Variants in PTBP3 observed in about 807,000 individuals in gnomAD.
PTBP3 encodes polypyrimidine tract-binding protein 3.
In PTBP3, 20 loss-of-function variants were observed where a neutral mutation model predicts 58.7. The observed-to-expected ratio is 0.34, with a 90% CI of 0.24 to 0.50. The LOEUF (loss-of-function observed/expected upper bound fraction) is 0.50. Ranked by LOEUF, PTBP3 falls within the 20% of genes least tolerant of loss-of-function variation. The pLI is 0.98. For synonymous variants in PTBP3, 185 were observed against 219.8 expected, an observed-to-expected ratio of 0.84 and a Z score of 1.40; for missense variants, 509 against 637.2, an observed-to-expected ratio of 0.80 and a Z score of 2.17.
At chr9:112,247,436 G>T (rs969651651) in intron 7 of PTBP3, among the ~76,000 whole-genome samples, 1 of 151,406 alleles carries the variant, frequency 6.6e-6, no homozygotes, top group Non-Finnish European at 1.5e-5. Context: ...TGTCATAAAA[G>T]ACATTATTTT....
intron 7 of PTBP3, among the ~76,000 whole-genome samples, chr9:112,235,743 TC>T (rs2132000892): frequency 6.6e-6 from 1 of 151,992 alleles, no homozygotes; most frequent in East Asian, 1.9e-4. Context: ...AAATGAGAGC[TC>T]CACTTAAAAA....
At chr9:112,335,645 GGGCATGGT>G (rs1830571679), upstream of PTBP3, among the ~76,000 whole-genome samples, 1 of 134,628 alleles carries the variant, frequency 7.4e-6, no homozygotes, top group African/African-American at 2.7e-5. Context: ...GATTATAGCT[GGGCATGGT>G]GGCTCACACC....
rs149553072 is a variant in PTBP3, at chr9:112,322,134, CAAAAAAAAAAAAAAAAAAA to C, written c.-52+11317_-52+11335del. On this transcript the variant is annotated intron_variant, in intron 1 of 13. Transcript: ENST00000374257. ...TAGGAGACAGAGCGAGACTCCATCT[CAAAAAAAAAAAAAAAAAAA>C]AAAGAAAGGCCCTTTCCAGTCTCTA... Among the ~76,000 whole-genome samples the C allele has an allele frequency of 4.4e-5, 3 of 68,360 alleles. No homozygotes were observed. In the Admixed American group the frequency reaches 6.1e-4, roughly 14 times the overall value. The allele number at this position is 68,360 out of a possible 152,430, so 44.8% of individuals were successfully genotyped here. A position where few individuals can be genotyped will look rare whatever the true frequency, so the allele number is the denominator to read the frequency against.
the PTBP3 span, among the ~76,000 whole-genome samples, chr9:112,371,289 C>T: frequency 7.9e-3 from 1,202 of 152,308 alleles, 18 homozygotes; most frequent in African/African-American, 0.028. Context: ...CAACTACTTA[C>T]TGTCCAGATT....
chr9:112,362,989 T>C, the PTBP3 span: 2 of 244,796 alleles, frequency 8.2e-6, no homozygotes, highest in East Asian at 1.1e-4. Flanking sequence ...ATGCAGAAAA[T>C]CTTACTGTCC....
At chr9:112,248,105 C>T (rs1193824548) in intron 7 of PTBP3, among the ~76,000 whole-genome samples, 1 of 151,922 alleles carries the variant, frequency 6.6e-6, no homozygotes, top group Non-Finnish European at 1.5e-5. Flanking sequence ...TACTAAAACA[C>T]CATAAACTTT....
chr9:112,364,918 C>T, the PTBP3 span, among the ~76,000 whole-genome samples: 14 of 152,074 alleles, frequency 9.2e-5, no homozygotes, highest in Non-Finnish European at 1.5e-4. Context: ...GTTTCAGTAC[C>T]GTGTAATCTA....
At chr9:112,300,624 C>T (rs1436176417) in intron 1 of PTBP3, among the ~76,000 whole-genome samples, 2 of 152,042 alleles carry the variant, frequency 1.3e-5, no homozygotes, top group African/African-American at 2.4e-5. Context: ...TGGTGGCGGG[C>T]GCCTGTAGTC....
chr9:112,307,165 G>A (rs533108306), intron 1 of PTBP3, among the ~76,000 whole-genome samples: 155 of 152,206 alleles, frequency 1.0e-3, no homozygotes, highest in African/African-American at 3.4e-3. Flanking sequence ...TAAAATATAA[G>A]ATATTTGCCA....
chr9:112,376,440 G>T, the PTBP3 span, among the ~76,000 whole-genome samples: 22 of 151,722 alleles, frequency 1.5e-4, no homozygotes, highest in African/African-American at 4.1e-4. Flanking sequence ...TTTTAGTAGA[G>T]ATGGGGTTTC....
chr9:112,329,359 T>A (rs1018822765), intron 1 of PTBP3, among the ~76,000 whole-genome samples: 5 of 151,814 alleles, frequency 3.3e-5, no homozygotes, highest in African/African-American at 9.7e-5. Context: ...GAGGTTGTAG[T>A]AAGCCAAGAT....
At chr9:112,377,688 C>G in the PTBP3 span, among the ~76,000 whole-genome samples, 2 of 152,154 alleles carry the variant, frequency 1.3e-5, no homozygotes, top group African/African-American at 2.4e-5. Context: ...GAAACTGTTG[C>G]ATTTTTAGGT....
the PTBP3 span, among the ~76,000 whole-genome samples, chr9:112,375,102 G>A: frequency 6.6e-6 from 1 of 152,122 alleles, no homozygotes; most frequent in Non-Finnish European, 1.5e-5. Flanking sequence ...GGGGAAAGAG[G>A]CTGAGTGGTG....
chr9:112,218,961 T>G lies in PTBP3; in HGVS notation c.*4890A>C, dbSNP rs1398002738. On this transcript the variant is annotated 3_prime_UTR_variant, in exon 14 of 14. Coordinates refer to ENST00000374257, the MANE Select transcript of PTBP3 (RefSeq NM_001163788.4). ...TCAGAGGCTCCTAGCTGTGCTATTT[T>G]TTTTTTCTTAGATACAGTACTGAAA... 6.6e-6 allele frequency: 1 copy of G among 152,382 alleles called. No homozygotes were observed. Among genetic ancestry groups the G allele is most frequent in the Admixed American group, 6.5e-5 (1 of 15,274 alleles). 9.4% of individuals were successfully genotyped at this position (152,382 alleles called of 1,614,324 possible).
intron 1 of PTBP3, among the ~76,000 whole-genome samples, chr9:112,329,062 C>T (rs971713888): frequency 1.3e-5 from 2 of 152,156 alleles, no homozygotes; most frequent in Admixed American, 6.5e-5. Context: ...TTAGAACACC[C>T]AGATATTTTA....
At chr9:112,362,533 C>CT in the PTBP3 span, among the ~76,000 whole-genome samples, 28 of 151,940 alleles carry the variant, frequency 1.8e-4, no homozygotes, top group African/African-American at 6.0e-4. Flanking sequence ...AATGTATCTT[C>CT]TTTTTTTTCC....
Position 112,221,508 on chromosome 9 carries a change from A to C in PTBP3, c.*2343T>G, listed in dbSNP as rs1834805548. 8.1e-6 allele frequency: 8 copies of C among 985,684 alleles called. No homozygotes were observed. The highest frequency in any genetic ancestry group is 9.6e-6 in the Non-Finnish European group (8 of 829,750). 61.1% of individuals were successfully genotyped at this position (985,684 alleles called of 1,614,324 possible). A position where few individuals can be genotyped will look rare whatever the true frequency, so the allele number is the denominator to read the frequency against. On this transcript the variant is annotated 3_prime_UTR_variant, in exon 14 of 14. Transcript: ENST00000374257. ...AAAGTAAATGAAATAATCCAATTTAACATGGCACTGAAAATTATAATAGTG... is the reference window on the plus strand; with the variant it reads ...AAAGTAAATGAAATAATCCAATTTACCATGGCACTGAAAATTATAATAGTG...
At chr9:112,314,499 C>T (rs1032663090) in intron 1 of PTBP3, among the ~76,000 whole-genome samples, 17 of 152,016 alleles carry the variant, frequency 1.1e-4, no homozygotes, top group African/African-American at 4.1e-4. Context: ...AGTTTGAGAT[C>T]GGCCTGCACA....
chr9:112,345,550 A>AT, the PTBP3 span, among the ~76,000 whole-genome samples: 33 of 144,236 alleles, frequency 2.3e-4, 1 homozygote, highest in African/African-American at 2.3e-4. Flanking sequence ...TAATTTTTGT[A>AT]TTTTTTTTTT....
Sources: allele counts gnomAD v4.1 joint callset (sites outside exome capture counted in the v4.1 genomes callset), GRCh38; gene constraint gnomAD v4.1.1; transcripts MANE v1.5; gene names NCBI Gene and HGNC (gene_info 2026-07-23, HGNC 2026-07-21).